The following MLIP variants were observed in gnomAD, a reference collection of about 807,000 sequenced individuals.
The protein encoded by MLIP is muscular LMNA-interacting protein.
A neutral mutation model predicts 84.8 loss-of-function variants in MLIP; 79 were observed. That is an observed-to-expected ratio of 0.93 (90% CI 0.78 to 1.12). The LOEUF (loss-of-function observed/expected upper bound fraction) is 1.12. Ranked by LOEUF, MLIP falls within the 50% of genes most tolerant of loss-of-function variation. The pLI is 0.00. For missense variants in MLIP, 1,257 were observed against 1,160.6 expected, an observed-to-expected ratio of 1.08 and a Z score of -1.21; for synonymous variants, 504 against 463.0, an observed-to-expected ratio of 1.09 and a Z score of -1.14.
At chr6:54,143,412 G>T (rs945475938) in intron 4 of MLIP, among the ~76,000 whole-genome samples, 3 of 152,044 alleles carry the variant, frequency 2.0e-5, no homozygotes, top group Admixed American at 2.0e-4. Flanking sequence ...CACCACATTG[G>T]CCAGGCTGGT....
chr6:54,035,276 C>A (rs1764363109), intron 1 of MLIP, among the ~76,000 whole-genome samples: 1 of 152,062 alleles, frequency 6.6e-6, no homozygotes, highest in South Asian at 2.1e-4. Flanking sequence ...AAAGTTAGTC[C>A]AAGTTGTGAG....
chr6:54,180,461 A>G (rs895172773), intron 9 of MLIP, among the ~76,000 whole-genome samples: 1 of 152,142 alleles, frequency 6.6e-6, no homozygotes, highest in Non-Finnish European at 1.5e-5. Flanking sequence ...CAAGGCCAAT[A>G]ACTCTTTGAT....
chr6:54,087,338 T>C (rs1339236764), intron 1 of MLIP, among the ~76,000 whole-genome samples: 1 of 152,152 alleles, frequency 6.6e-6, no homozygotes, highest in Admixed American at 6.6e-5. Flanking sequence ...TTATAGCAAA[T>C]AGCCTTGGAT....
At chr6:54,163,752 A>C (rs1242686112) in intron 8 of MLIP, among the ~76,000 whole-genome samples, 1 of 151,890 alleles carries the variant, frequency 6.6e-6, no homozygotes, top group African/African-American at 2.4e-5. Context: ...TTGTTTGGAT[A>C]CTTATTTCTG....
chr6:54,113,477 A>ATAT (rs1250171068), intron 1 of MLIP, among the ~76,000 whole-genome samples: 1 of 152,328 alleles, frequency 6.6e-6, no homozygotes, highest in East Asian at 1.9e-4. Context: ...TCCTTCCTAC[A>ATAT]ATATAAAGCA....
At chr6:54,092,299 G>C (rs535608955) in intron 1 of MLIP, among the ~76,000 whole-genome samples, 18 of 152,204 alleles carry the variant, frequency 1.2e-4, no homozygotes, top group African/African-American at 3.9e-4. Flanking sequence ...CAATTTCAAT[G>C]CAAATCATAA....
chr6:54,133,516 C>G (rs1030322268), intron 3 of MLIP, among the ~76,000 whole-genome samples: 1 of 152,168 alleles, frequency 6.6e-6, no homozygotes, highest in African/African-American at 2.4e-5. Context: ...CTGGTGCTGT[C>G]AGAATCTCAG....
At chr6:54,191,941 A>G (rs533537695) in intron 10 of MLIP, among the ~76,000 whole-genome samples, 77 of 151,632 alleles carry the variant, frequency 5.1e-4, no homozygotes, top group Middle Eastern at 6.9e-3. Flanking sequence ...ACATACATGT[A>G]AGTTCTTGGT....
At chr6:54,075,022 C>T (rs771381562) in intron 1 of MLIP, among the ~76,000 whole-genome samples, 9 of 151,852 alleles carry the variant, frequency 5.9e-5, no homozygotes, top group East Asian at 1.9e-4. Flanking sequence ...CCGAGGTGGG[C>T]GGATCACTTG....
intron 1 of MLIP, among the ~76,000 whole-genome samples, chr6:54,073,076 G>A (rs1397434692): frequency 2.6e-5 from 4 of 152,054 alleles, no homozygotes; most frequent in African/African-American, 9.7e-5. Flanking sequence ...CTGTCTGATG[G>A]GACCCATTCC....
rs1766358027 is a variant in MLIP at position 54,069,358 on chromosome 6, A to G, written c.63+50267A>G. 2.0e-5 allele frequency among the ~76,000 whole-genome samples: 2 copies of G among 101,456 alleles called. 1 individual carries two copies. Among genetic ancestry groups the G allele is most frequent in the Non-Finnish European group, 5.7e-5 (2 of 35,286 alleles). The allele number at this position is 101,456 out of a possible 152,430, so 66.6% of individuals were successfully genotyped here. A position where few individuals can be genotyped will look rare whatever the true frequency, so the allele number is the denominator to read the frequency against. Reference sequence around the variant, plus strand: ...TACAGGTAACAAATAAAACAAATACATTAACATATACATGTTCTGCTGAAG... The same window carrying G: ...TACAGGTAACAAATAAAACAAATACGTTAACATATACATGTTCTGCTGAAG... On this transcript the variant is annotated intron_variant, in intron 1 of 12. Coordinates refer to the MLIP transcript ENST00000274897.
At chr6:54,112,121 C>T (rs533364843) in intron 1 of MLIP, among the ~76,000 whole-genome samples, 1 of 152,262 alleles carries the variant, frequency 6.6e-6, no homozygotes, top group South Asian at 2.1e-4. Flanking sequence ...ATTTAAATAA[C>T]ATTGACAACT....
chr6:54,237,297 G>C (rs1781429160), intron 12 of MLIP, among the ~76,000 whole-genome samples: 1 of 151,646 alleles, frequency 6.6e-6, no homozygotes. Context: ...GTGGAGGAGG[G>C]AAATTCTGGC....
chr6:54,036,815 C>T (rs1764471911), intron 1 of MLIP, among the ~76,000 whole-genome samples: 1 of 151,838 alleles, frequency 6.6e-6, no homozygotes, highest in Non-Finnish European at 1.5e-5. Flanking sequence ...TTCACAATAG[C>T]CAAGATATGG....
intron 13 of MLIP, among the ~76,000 whole-genome samples, chr6:54,261,380 C>T (rs1448179062): frequency 6.6e-6 from 1 of 152,032 alleles, no homozygotes; most frequent in East Asian, 1.9e-4. Flanking sequence ...TTTCCCAAAA[C>T]ATGATTAGAT....
At chr6:54,244,618 G>A (rs2150846967) in intron 12 of MLIP, among the ~76,000 whole-genome samples, 1 of 152,274 alleles carries the variant, frequency 6.6e-6, no homozygotes, top group South Asian at 2.1e-4. Flanking sequence ...GGCAAAAAGA[G>A]CATTTCAACA....
At chr6:54,139,681 C>T (rs906333772) in intron 4 of MLIP, among the ~76,000 whole-genome samples, 2 of 152,074 alleles carry the variant, frequency 1.3e-5, no homozygotes, top group African/African-American at 2.4e-5. Context: ...CTATTTTGTA[C>T]ACCAAAAAAC....
intron 1 of MLIP, among the ~76,000 whole-genome samples, chr6:54,038,058 T>C (rs1315940488): frequency 2.0e-5 from 3 of 151,938 alleles, no homozygotes; most frequent in South Asian, 2.1e-4. Flanking sequence ...CTCAGTGTTT[T>C]ACCACGGGTA....
intron 11 of MLIP, among the ~76,000 whole-genome samples, chr6:54,220,860 T>C (rs1237753125): frequency 6.6e-6 from 1 of 152,106 alleles, no homozygotes; most frequent in African/African-American, 2.4e-5. Flanking sequence ...ACATTAATGA[T>C]TGTACTATGA....
Sources: gnomAD v4.1 joint callset for allele counts (sites outside exome capture counted in the v4.1 genomes callset) on GRCh38, gnomAD v4.1.1 for gene constraint, MANE v1.5 for transcripts, NCBI Gene and HGNC (gene_info 2026-07-23, HGNC 2026-07-21) for gene names.